The following SPEN variants were observed in gnomAD, a reference collection of about 807,000 sequenced individuals.
The protein encoded by SPEN is spen family transcriptional repressor.
In SPEN, 18 loss-of-function variants were observed where a neutral mutation model predicts 269.9. The observed-to-expected ratio is 0.07, with a 90% CI of 0.05 to 0.10. The LOEUF (loss-of-function observed/expected upper bound fraction) is 0.10. SPEN is among the 10% of genes least tolerant of loss of function. SPEN has a pLI of 1.00. For synonymous variants in SPEN, 1,726 were observed against 1,765.7 expected (o/e 0.98, Z 0.56); for missense variants, 3,822 against 4,631.2 (o/e 0.83, Z 5.07).
intron 10 of SPEN, among the ~76,000 whole-genome samples, chr1:15,926,676 G>A (rs1015710924): frequency 1.3e-4 from 19 of 151,122 alleles, no homozygotes; most frequent in Non-Finnish European, 1.0e-4. Context: ...GCCTTTATGG[G>A]GCTTAAGTTC....
At chr1:15,861,430 C>T (rs1228808729) in intron 1 of SPEN, among the ~76,000 whole-genome samples, 1 of 152,006 alleles carries the variant, frequency 6.6e-6, no homozygotes, top group Admixed American at 6.6e-5. Context: ...GTGCCTGGCC[C>T]AGATACTTTT....
At position 15,931,339 on chromosome 1, in the gene SPEN, T is replaced by C. The variant is rs1426333408; in HGVS notation, c.5099T>C (p.Val1700Ala). ...GCCCCTGTGGAACAGCTGGAACAAGTAGACCTGCCCCCAGGAGCAGACCCC... is the reference window on the plus strand; with the variant it reads ...GCCCCTGTGGAACAGCTGGAACAAGCAGACCTGCCCCCAGGAGCAGACCCC... ...APAPVEQLEQ[V>A]DLPPGADPDK... Residue 1700 changes from valine to alanine, a missense_variant, in exon 11 of 15, where the codon GTA becomes GCA. By Grantham distance (64) the Val-to-Ala change is moderately conservative. Coordinates refer to ENST00000375759, the MANE Select transcript of SPEN (RefSeq NM_015001.3). The surrounding 1 kb of genome is among the most constrained non-coding windows in gnomAD (Gnocchi z 4.8). The C allele has an allele frequency of 3.7e-6, 6 of 1,614,012 alleles. No homozygotes were observed. Among genetic ancestry groups the C allele is most frequent in the Non-Finnish European group, 5.1e-6 (6 of 1,180,020 alleles).
chr1:15,885,236 C>A (rs893909913), intron 3 of SPEN, among the ~76,000 whole-genome samples: 1 of 151,870 alleles, frequency 6.6e-6, no homozygotes, highest in African/African-American at 2.4e-5. Flanking sequence ...GAGTCTCGCT[C>A]TGTTGCCCAG....
chr1:15,864,186 T>G (rs1431300454), intron 1 of SPEN, among the ~76,000 whole-genome samples: 1 of 138,136 alleles, frequency 7.2e-6, no homozygotes, highest in African/African-American at 2.7e-5. Context: ...TTTTTTTTTT[T>G]GAAACAATGT....
At position 15,904,551 on chromosome 1, in the gene SPEN, C is replaced by T. The variant is rs2070937469; in HGVS notation, c.882-4770C>T. 2.0e-5 allele frequency among the ~76,000 whole-genome samples: 3 copies of T among 150,722 alleles called. No individual in the cohort carries two copies. The South Asian group carries it at 6.3e-4, about 32-fold the overall frequency. ...AACCAGTCTCCCCTTCTAGTTGCCA[C>T]TTCACATTATTCAGCAGATGATTCT... On this transcript the variant is annotated intron_variant, in intron 3 of 14. Transcript: ENST00000375759.
Position 15,932,870 on chromosome 1 carries a change from A to G in SPEN, c.6630A>G (p.Ala2210=). 6.2e-7 allele frequency: 1 copy of G among 1,614,268 alleles called. No individual in the cohort carries two copies. The highest frequency in any genetic ancestry group is 8.5e-7 in the Non-Finnish European group (1 of 1,180,050). ...PEDRDKPAHQ[A]SETELAAAIG... Reference sequence around the variant, plus strand: ...ACAGGGACAAGCCTGCACACCAAGCAAGTGAAACAGAGCTGGCTGCGGCCA... The same window carrying G: ...ACAGGGACAAGCCTGCACACCAAGCGAGTGAAACAGAGCTGGCTGCGGCCA... The change falls in exon 11 of 15, where the codon GCA becomes GCG. Residue 2210 remains alanine, a synonymous_variant. Coordinates refer to ENST00000375759, the MANE Select transcript of SPEN (RefSeq NM_015001.3). The surrounding 1 kb of genome is among the most constrained non-coding windows in gnomAD (Gnocchi z 4.2).
At chr1:15,870,950 G>T (rs933278672) in intron 1 of SPEN, among the ~76,000 whole-genome samples, 5 of 152,112 alleles carry the variant, frequency 3.3e-5, no homozygotes, top group African/African-American at 1.2e-4. Context: ...TCTATGTTTT[G>T]TTCCCAGGAT....
intron 3 of SPEN, among the ~76,000 whole-genome samples, chr1:15,894,039 A>G (rs528176406): frequency 2.6e-5 from 4 of 152,250 alleles, no homozygotes; most frequent in African/African-American, 9.6e-5. Flanking sequence ...AAAACCTCAA[A>G]CTTCAAATTT....
chr1:15,869,302 G>T (rs2070549447), intron 1 of SPEN, among the ~76,000 whole-genome samples: 1 of 152,038 alleles, frequency 6.6e-6, no homozygotes, highest in African/African-American at 2.4e-5. Flanking sequence ...TCATCTGCCT[G>T]CCTTGGCCCT....
chr1:15,916,586 C>G (rs1352783923), intron 6 of SPEN, among the ~76,000 whole-genome samples: 1 of 147,342 alleles, frequency 6.8e-6, no homozygotes, highest in Non-Finnish European at 1.5e-5. Context: ...TCACGACTCA[C>G]TGCAGCCTCA....
chr1:15,855,577 C>A (rs185435347), intron 1 of SPEN, among the ~76,000 whole-genome samples: 76 of 152,212 alleles, frequency 5.0e-4, no homozygotes, highest in Admixed American at 1.1e-3. Flanking sequence ...ACACTGTTTG[C>A]AGCTGGGTGC....
rs1045572463 is a variant in SPEN at position 15,939,829 on chromosome 1, C to T, written c.*402C>T. ...TTTGCCCAGTGAAGACAGGCTGTGA[C>T]ACTCTGGATGTCTTGGTGTGTGTAG... is the stretch of plus-strand genomic sequence containing the variant. On this transcript the variant is annotated 3_prime_UTR_variant, in exon 15 of 15. Coordinates refer to ENST00000375759, the MANE Select transcript of SPEN (RefSeq NM_015001.3). The surrounding 1 kb of genome is among the most constrained non-coding windows in gnomAD (Gnocchi z 4.1). 8.5e-6 allele frequency: 2 copies of T among 236,124 alleles called. No homozygotes were observed. The highest frequency in any genetic ancestry group is 8.3e-6 in the Non-Finnish European group (1 of 119,948). The allele number at this position is 236,124 out of a possible 1,614,324, so 14.6% of individuals were successfully genotyped here.
At position 15,939,437 on chromosome 1, in the gene SPEN, T is replaced by G. The variant is rs754269407; in HGVS notation, c.*10T>G. ...CATTGCCTCCGTGTGAGCCACTGAG[T>G]GGTTATCACCTCAGTGAATCTTCCC... On this transcript the variant is annotated 3_prime_UTR_variant, in exon 15 of 15. Coordinates refer to ENST00000375759, the MANE Select transcript of SPEN (RefSeq NM_015001.3). The surrounding 1 kb of genome is among the most constrained non-coding windows in gnomAD (Gnocchi z 4.1). 1 of 1,580,114 alleles carries G rather than the reference T, an allele frequency of 6.3e-7. No homozygotes were observed. Among genetic ancestry groups the G allele is most frequent in the South Asian group, 1.2e-5 (1 of 85,922 alleles).
In SPEN at chr1:15,848,107, C is replaced by A. The variant is rs148475723; in HGVS notation, c.40C>A (p.Pro14Thr). The part of the protein sequence containing the change: ...ETRHLWVGNL[P>T]ENVREEKIIE... ...CAGGCATCTCTGGGTGGGCAACTTA[C>A]CCGAGAACGTGCGGGAAGAGAAGAT... The change falls in exon 1 of 15, where the codon CCC becomes ACC. Residue 14 changes from proline to threonine, a missense_variant. Around this residue, in one of 16 missense-constraint regions of SPEN, gnomAD observed 51 missense variants for 56.1 expected, o/e 0.91. Transcript: ENST00000375759. This position sits in a 1 kb window ranked among gnomAD's most constrained non-coding sequence, Gnocchi z 5.1. The A allele has an allele frequency of 6.7e-7, 1 of 1,496,964 alleles. No individual in the cohort carries two copies. The allele number at this position is 1,496,964 out of a possible 1,614,324, so 92.7% of individuals were successfully genotyped here. A position where few individuals can be genotyped will look rare whatever the true frequency, so the allele number is the denominator to read the frequency against.
rs149559004 is a variant in SPEN, at chr1:15,895,772, C to T, written c.882-13549C>T. Among the ~76,000 whole-genome samples the T allele has an allele frequency of 5.0e-3, 753 of 151,332 alleles. 19 individuals carry two copies. The East Asian group carries it at 0.085, about 17-fold the overall frequency. ...CTCGGCTCACTGCAACCTCTGCCTC[C>T]CAGGTTCAAGCGATTCTCCCACTCA... is the stretch of plus-strand genomic sequence containing the variant. On this transcript the variant is annotated intron_variant, in intron 3 of 14. Transcript: ENST00000375759.
chr1:15,914,396 A>T (rs1029289042), intron 5 of SPEN, among the ~76,000 whole-genome samples: 5 of 152,242 alleles, frequency 3.3e-5, no homozygotes, highest in Admixed American at 1.3e-4. Flanking sequence ...TACATTAAGA[A>T]AAAAGAACAC....
Position 15,888,668 on chromosome 1 carries a change from T to C in SPEN, c.881+11990T>C, listed in dbSNP as rs1451996971. 3.3e-5 allele frequency among the ~76,000 whole-genome samples: 5 copies of C among 151,790 alleles called. No individual in the cohort carries two copies. In the South Asian group the frequency reaches 6.2e-4, roughly 19 times the overall value. On this transcript the variant is annotated intron_variant, in intron 3 of 14. Transcript: ENST00000375759. ...TTTTTTTGAGACAGTGTTTTGCTCT[T>C]GCTGCCCAGGCTGGAGTACAATGGC... is the stretch of plus-strand genomic sequence containing the variant.
At chr1:15,906,151 A>C (rs747632702) in intron 3 of SPEN, among the ~76,000 whole-genome samples, 1 of 152,180 alleles carries the variant, frequency 6.6e-6, no homozygotes, top group Non-Finnish European at 1.5e-5. Context: ...TCTGTGCTAA[A>C]AACAGAAGAT....
intron 2 of SPEN, chr1:15,873,551 T>C: frequency 1.0e-6 from 1 of 995,440 alleles, no homozygotes; most frequent in Non-Finnish European, 1.2e-6. Flanking sequence ...CTTTTAGAAG[T>C]TGATATCTGC....
Sources: gnomAD v4.1 joint callset for allele counts (sites outside exome capture counted in the v4.1 genomes callset) on GRCh38, gnomAD v4.1.1 for gene constraint, gnomAD v4.1.1 regional missense constraint, Gnocchi (gnomAD v3.1) non-coding constraint, MANE v1.5 for transcripts, NCBI Gene and HGNC (gene_info 2026-07-23, HGNC 2026-07-21) for gene names.